ATL2: variants seen among roughly 807,000 people sequenced by gnomAD.
ATL2 encodes the protein atlastin GTPase 2, also known as atlastin-2.
ATL2 carries 31 observed loss-of-function variants against 73.9 expected under a neutral mutation model. The observed-to-expected ratio is 0.42, with a 90% confidence interval of 0.32 to 0.57. ATL2 has a LOEUF of 0.57. ATL2 is among the 20% of genes least tolerant of loss of function. ATL2 has a pLI of 0.14. For synonymous variants in ATL2, 291 were observed against 237.5 expected (o/e 1.23, Z -2.07); for missense variants, 738 against 702.6 (o/e 1.05, Z -0.57).
At chr2:38,361,353 C>CAAAAA (rs921670483) in intron 1 of ATL2, among the ~76,000 whole-genome samples, 1 of 59,782 alleles carries the variant, frequency 1.7e-5, no homozygotes, top group Non-Finnish European at 4.0e-5. Flanking sequence ...GACTCCGTCT[C>CAAAAA]AAAAAAAAAA....
chr2:38,296,831 T>G (rs1666921732), intron 12 of ATL2: 2 of 1,357,660 alleles, frequency 1.5e-6, no homozygotes, highest in Non-Finnish European at 9.9e-7. Flanking sequence ...GATTCTTCCA[T>G]TTAATTGTTT....
intron 2 of ATL2, among the ~76,000 whole-genome samples, chr2:38,322,095 TACAA>T (rs1308662294): frequency 6.6e-6 from 1 of 152,140 alleles, no homozygotes; most frequent in African/African-American, 2.4e-5. Flanking sequence ...GAGCAAAGGC[TACAA>T]ACAATCATCT....
chr2:38,307,642 T>C (rs1398095270), intron 9 of ATL2, among the ~76,000 whole-genome samples: 1 of 152,050 alleles, frequency 6.6e-6, no homozygotes, highest in Non-Finnish European at 1.5e-5. Context: ...TAAAAAGCTT[T>C]TGCACATCAG....
intron 7 of ATL2, among the ~76,000 whole-genome samples, chr2:38,312,134 G>C (rs933439962): frequency 6.6e-6 from 1 of 152,076 alleles, no homozygotes; most frequent in Admixed American, 6.5e-5. Flanking sequence ...TGAATAAAGG[G>C]GTCTTTATGT....
intron 1 of ATL2, among the ~76,000 whole-genome samples, chr2:38,367,432 T>C (rs972288439): frequency 6.0e-5 from 9 of 150,340 alleles, no homozygotes; most frequent in African/African-American, 2.2e-4. Context: ...TGAAACCCCG[T>C]CTCTATTAAA....
In ATL2 at chr2:38,335,017, C is replaced by G. The variant is rs1669272138; in HGVS notation, c.363+8251G>C. Among the ~76,000 whole-genome samples the G allele has an allele frequency of 2.2e-5, 2 of 90,644 alleles. 1 individual carries two copies. The highest frequency in any genetic ancestry group is 8.4e-4 in the South Asian group (2 of 2,374). The allele number at this position is 90,644 out of a possible 152,430, so 59.5% of individuals were successfully genotyped here. A position where few individuals can be genotyped will look rare whatever the true frequency, so the allele number is the denominator to read the frequency against. ...GGCAAATAGTTTATGAGCAAATGAA[C>G]TTGTATACAGACGTATACAGATAAT... On this transcript the variant is annotated intron_variant, in intron 2 of 12. Coordinates refer to ENST00000378954, the MANE Select transcript of ATL2 (RefSeq NM_001135673.4).
At chr2:38,377,359 CCGCTCTCCGCCTGTATCTCCT>C (rs1672051287), upstream of ATL2, 5 of 1,008,950 alleles carry the variant, frequency 5.0e-6, no homozygotes, top group Middle Eastern at 6.5e-4. Flanking sequence ...GGTCCTAGCG[CCGCTCTCCGCCTGTATCTCCT>C]CGCCCTCCGC....
At chr2:38,376,295 C>CA (rs1671961060) in intron 1 of ATL2, 1 of 1,330,748 alleles carries the variant, frequency 7.5e-7, no homozygotes, top group Non-Finnish European at 9.8e-7. Flanking sequence ...GCTGCCAACG[C>CA]AACTGCGTCT....
chr2:38,325,297 C>G (rs1234968665), intron 2 of ATL2, among the ~76,000 whole-genome samples: 1 of 152,044 alleles, frequency 6.6e-6, no homozygotes, highest in Non-Finnish European at 1.5e-5. Context: ...TCAAACCATC[C>G]CTGCAAAATC....
In ATL2 at chr2:38,294,340, C is replaced by T. The variant is rs1242766078; in HGVS notation, c.*1654G>A. ...AAGGCAGGCGGATCACAAGGTCAGG[C>T]GATTGAGACCATCCTGGCTAAAACG... On this transcript the variant is annotated 3_prime_UTR_variant, in exon 13 of 13. Transcript: ENST00000378954. Among the ~76,000 whole-genome samples the T allele has an allele frequency of 1.3e-5, 2 of 152,138 alleles. No homozygotes were observed. The highest frequency in any genetic ancestry group is 2.1e-4 in the South Asian group (1 of 4,824).
chr2:38,301,910 G>A (rs1667210012), intron 9 of ATL2, among the ~76,000 whole-genome samples: 2 of 152,236 alleles, frequency 1.3e-5, no homozygotes, highest in Admixed American at 6.5e-5. Flanking sequence ...GTAGTTCACA[G>A]CTCTGAGAGA....
chr2:38,373,462 T>C (rs1404896187), intron 1 of ATL2, among the ~76,000 whole-genome samples: 5 of 152,212 alleles, frequency 3.3e-5, no homozygotes, highest in Admixed American at 2.0e-4. Flanking sequence ...ACATTCTACT[T>C]GTACTGGTCC....
At chr2:38,300,833 C>G (rs1261816909) in intron 9 of ATL2, among the ~76,000 whole-genome samples, 1 of 149,134 alleles carries the variant, frequency 6.7e-6, no homozygotes, top group African/African-American at 2.5e-5. Flanking sequence ...ACAATTTTAT[C>G]CAGTATTTTA....
intron 2 of ATL2, among the ~76,000 whole-genome samples, chr2:38,342,183 G>T (rs1282660885): frequency 6.6e-6 from 1 of 151,722 alleles, no homozygotes; most frequent in East Asian, 1.9e-4. Flanking sequence ...CAATTGTCTG[G>T]TACCATCTCA....
chr2:38,299,436 GAA>G, intron 10 of ATL2, 109 bp from the exon 11 acceptor site: 1 of 1,127,828 alleles, frequency 8.9e-7, no homozygotes, highest in Non-Finnish European at 1.2e-6. Flanking sequence ...ATGAACCAGA[GAA>G]AGTAACTTCC....
intron 2 of ATL2, among the ~76,000 whole-genome samples, chr2:38,336,508 C>T (rs1223347094): frequency 1.3e-5 from 2 of 152,114 alleles, no homozygotes; most frequent in African/African-American, 4.8e-5. Context: ...ACATATCCTC[C>T]CATCAGTCTA....
At chr2:38,320,629 T>A (rs912391130) in intron 2 of ATL2, among the ~76,000 whole-genome samples, 7 of 152,190 alleles carry the variant, frequency 4.6e-5, no homozygotes, top group Admixed American at 1.3e-4. Context: ...GACGTCAAGA[T>A]CCCTAAAGTT....
intron 1 of ATL2, among the ~76,000 whole-genome samples, chr2:38,373,027 G>T (rs1382229220): frequency 4.9e-5 from 6 of 121,974 alleles, no homozygotes; most frequent in African/African-American, 3.9e-4. Flanking sequence ...ATGTTACTGT[G>T]CCTTAAGACA....
intron 10 of ATL2, 93 bp from the exon 11 acceptor site, chr2:38,299,420 C>T (rs1028765735): frequency 2.4e-6 from 3 of 1,264,746 alleles, no homozygotes; most frequent in Non-Finnish European, 3.2e-6. Flanking sequence ...ATAAACAAGT[C>T]TGAAAATGAA....
Sources: allele counts gnomAD v4.1 joint callset (sites outside exome capture counted in the v4.1 genomes callset), GRCh38; gene constraint gnomAD v4.1.1; transcripts MANE v1.5; gene names NCBI Gene and HGNC (gene_info 2026-07-23, HGNC 2026-07-21).